Variants in CADM1 observed in about 807,000 individuals in gnomAD.
CADM1 encodes TSLC-1.
A neutral mutation model predicts 53.1 loss-of-function variants in CADM1; 15 were observed. That is an observed-to-expected ratio of 0.28 (90% CI 0.19 to 0.44). The LOEUF is 0.44. Ranked by LOEUF, CADM1 falls within the 20% of genes least tolerant of loss-of-function variation. CADM1 has a pLI of 1.00. For missense variants in CADM1, 434 were observed against 611.3 expected, an observed-to-expected ratio of 0.71 and a Z score of 3.06; for synonymous variants, 281 against 243.0, an observed-to-expected ratio of 1.16 and a Z score of -1.45.
chr11:115,502,114 C>A (rs1460197099), intron 1 of CADM1, among the ~76,000 whole-genome samples: 1 of 152,116 alleles, frequency 6.6e-6, no homozygotes, highest in African/African-American at 2.4e-5. Context: ...CAGACCGCTC[C>A]TAAGTCAGCA....
rs1938893246 is a variant in CADM1, at chr11:115,173,894, TAAAAAACAC to T, written c.*2571_*2579del. 18 of 972,398 alleles carry T rather than the reference TAAAAAACAC, an allele frequency of 1.9e-5. No individual in the cohort carries two copies. The South Asian group carries it at 8.1e-4, about 44-fold the overall frequency. The allele number at this position is 972,398 out of a possible 1,614,324, so 60.2% of individuals were successfully genotyped here. ...CATCCTTCATTATTTTATATTCCTT[TAAAAAACAC>T]AAAAAACAAGTTTGTTCTTTCTTCA... On this transcript the variant is annotated 3_prime_UTR_variant, in exon 12 of 12. Coordinates refer to ENST00000331581, the MANE Select transcript of CADM1 (RefSeq NM_001301043.2).
At chr11:115,295,506 TTATA>T (rs71066412) in intron 1 of CADM1, among the ~76,000 whole-genome samples, 2,901 of 54,500 alleles carry the variant, frequency 0.053, 67 homozygotes, top group Admixed American at 0.078. Flanking sequence ...TCAAGATATT[TTATA>T]TATATATATA....
At chr11:115,492,798 A>C (rs1326249627) in intron 1 of CADM1, among the ~76,000 whole-genome samples, 1 of 152,226 alleles carries the variant, frequency 6.6e-6, no homozygotes, top group Non-Finnish European at 1.5e-5. Context: ...TGAATGTATT[A>C]GCATGACATT....
chr11:115,441,312 G>T (rs1028938249), intron 1 of CADM1, among the ~76,000 whole-genome samples: 1 of 152,006 alleles, frequency 6.6e-6, no homozygotes, highest in African/African-American at 2.4e-5. Context: ...TGACTCAATA[G>T]CCTTGAAGTT....
intron 1 of CADM1, among the ~76,000 whole-genome samples, chr11:115,503,118 C>G (rs563377933): frequency 6.6e-6 from 1 of 152,268 alleles, no homozygotes; most frequent in East Asian, 1.9e-4. Context: ...GAGGACGCCG[C>G]GCGGCTGCCA....
intron 1 of CADM1, among the ~76,000 whole-genome samples, chr11:115,291,175 A>T (rs1454253368): frequency 6.6e-6 from 1 of 152,106 alleles, no homozygotes; most frequent in Non-Finnish European, 1.5e-5. Context: ...CTTCCTAGAG[A>T]TTCTTAACTG....
intron 1 of CADM1, among the ~76,000 whole-genome samples, chr11:115,413,503 G>A (rs771082194): frequency 4.6e-5 from 7 of 152,154 alleles, no homozygotes; most frequent in Non-Finnish European, 7.4e-5. Flanking sequence ...AGAACTCTAT[G>A]AGGAAGATAT....
At chr11:115,487,797 T>C (rs1331980031) in intron 1 of CADM1, among the ~76,000 whole-genome samples, 1 of 152,236 alleles carries the variant, frequency 6.6e-6, no homozygotes, top group African/African-American at 2.4e-5. Flanking sequence ...ATTAGCCACC[T>C]AATTCTAGAA....
intron 1 of CADM1, among the ~76,000 whole-genome samples, chr11:115,404,485 C>T (rs1182252992): frequency 1.4e-5 from 2 of 145,508 alleles, no homozygotes; most frequent in Non-Finnish European, 3.0e-5. Flanking sequence ...GAGAAAGTAC[C>T]TTTTATGACC....
At chr11:115,190,144 A>G (rs966902688) in intron 10 of CADM1, among the ~76,000 whole-genome samples, 1 of 152,212 alleles carries the variant, frequency 6.6e-6, no homozygotes, top group African/African-American at 2.4e-5. Context: ...TAAGTGATGG[A>G]TGGAAAGGTT....
intron 1 of CADM1, among the ~76,000 whole-genome samples, chr11:115,492,440 T>C (rs1949517226): frequency 6.6e-6 from 1 of 152,132 alleles, no homozygotes; most frequent in Admixed American, 6.6e-5. Context: ...AAATCAACAA[T>C]GATAGGAAAG....
At chr11:115,232,010 T>TAACGAC (rs553618979) in intron 3 of CADM1, among the ~76,000 whole-genome samples, 1 of 141,746 alleles carries the variant, frequency 7.1e-6, no homozygotes, top group Non-Finnish European at 1.5e-5. Context: ...ATAATAATAA[T>TAACGAC]AATAACAACA....
At chr11:115,181,592 G>A (rs770544245) in intron 10 of CADM1, among the ~76,000 whole-genome samples, 71 of 152,250 alleles carry the variant, frequency 4.7e-4, no homozygotes, top group African/African-American at 9.4e-4. Flanking sequence ...GAACACTGCC[G>A]GTTACGAGCG....
chr11:115,375,180 T>C (rs1181069949), intron 1 of CADM1, among the ~76,000 whole-genome samples: 1 of 152,158 alleles, frequency 6.6e-6, no homozygotes, highest in Admixed American at 6.5e-5. Context: ...TTAATAACTG[T>C]TGAAGTTGAG....
At chr11:115,307,601 T>C (rs993884836) in intron 1 of CADM1, among the ~76,000 whole-genome samples, 3 of 151,710 alleles carry the variant, frequency 2.0e-5, no homozygotes, top group Non-Finnish European at 4.4e-5. Context: ...TTGCTTCAGG[T>C]CTTTAGGATT....
chr11:115,351,490 A>T (rs912806865), intron 1 of CADM1, among the ~76,000 whole-genome samples: 1 of 152,204 alleles, frequency 6.6e-6, no homozygotes, highest in East Asian at 1.9e-4. Flanking sequence ...TAATTTTTGT[A>T]TTCTAGCAAG....
chr11:115,208,834 A>G (rs764062847), intron 8 of CADM1, among the ~76,000 whole-genome samples: 46 of 152,172 alleles, frequency 3.0e-4, no homozygotes, highest in Non-Finnish European at 5.1e-4. Context: ...GAGCCACTGG[A>G]TGCCAGGAAG....
At chr11:115,176,689 A>G in intron 11 of CADM1, 97 bp from the exon 12 acceptor site, 1 of 980,864 alleles carries the variant, frequency 1.0e-6, no homozygotes. Context: ...CATCAGCCGA[A>G]GTGGTGTGCA....
chr11:115,260,833 C>G (rs1017117349), intron 1 of CADM1, among the ~76,000 whole-genome samples: 5 of 131,242 alleles, frequency 3.8e-5, no homozygotes, highest in African/African-American at 1.7e-4. Context: ...CCACCACCCC[C>G]GGCTAATTTT....
Sources: allele counts gnomAD v4.1 joint callset (sites outside exome capture counted in the v4.1 genomes callset), GRCh38; gene constraint gnomAD v4.1.1; transcripts MANE v1.5; gene names NCBI Gene and HGNC (gene_info 2026-07-23, HGNC 2026-07-21).